RSU1: variants seen among roughly 807,000 people sequenced by gnomAD.
RSU1 encodes Ras suppressor protein 1.
RSU1 carries 26 observed loss-of-function variants against 31.1 expected under a neutral mutation model. That is an observed-to-expected ratio of 0.84 (90% CI 0.61 to 1.16). RSU1 has a LOEUF of 1.16. Among genes scored for constraint, RSU1 ranks in the 50% most tolerant of loss-of-function variants. RSU1 has a pLI of 0.00. For synonymous variants in RSU1, 164 were observed against 136.3 expected (o/e 1.20, Z -1.41); for missense variants, 320 against 339.1 (o/e 0.94, Z 0.44).
At chr10:16,797,330 G>T (rs1329285759) in intron 2 of RSU1, among the ~76,000 whole-genome samples, 1 of 152,192 alleles carries the variant, frequency 6.6e-6, no homozygotes, top group African/African-American at 2.4e-5. Flanking sequence ...GATAAAAGTG[G>T]GCAGAAGGAC....
At chr10:16,712,414 T>C (rs1173593173) in intron 7 of RSU1, among the ~76,000 whole-genome samples, 1 of 152,136 alleles carries the variant, frequency 6.6e-6, no homozygotes, top group South Asian at 2.1e-4. Flanking sequence ...CTTTTACTCA[T>C]GTTATTTTCC....
rs1300757999 is a variant in RSU1, at chr10:16,803,869, T to C, written c.109+13104A>G. Reference sequence around the variant, plus strand: ...AGACCTAATGAAAAACACAAAGCTATAAAAATTTCTAGATATAACAAAGGA... The same window carrying C: ...AGACCTAATGAAAAACACAAAGCTACAAAAATTTCTAGATATAACAAAGGA... On this transcript the variant is annotated intron_variant, in intron 2 of 8. Transcript: ENST00000345264. 2.6e-5 allele frequency among the ~76,000 whole-genome samples: 4 copies of C among 152,270 alleles called. No homozygotes were observed. In the East Asian group the frequency reaches 7.7e-4, roughly 29 times the overall value.
At chr10:16,809,692 T>C (rs1368238019) in intron 2 of RSU1, among the ~76,000 whole-genome samples, 2 of 152,206 alleles carry the variant, frequency 1.3e-5, no homozygotes, top group African/African-American at 4.8e-5. Flanking sequence ...TCTCTAACAA[T>C]GGATCTCCTG....
intron 7 of RSU1, among the ~76,000 whole-genome samples, chr10:16,726,038 C>G (rs1412027653): frequency 1.3e-5 from 2 of 151,056 alleles, no homozygotes; most frequent in Non-Finnish European, 2.9e-5. Context: ...TGTGTATATA[C>G]ATATAAAACT....
intron 4 of RSU1, among the ~76,000 whole-genome samples, chr10:16,761,661 C>T (rs1837214006): frequency 6.6e-6 from 1 of 152,094 alleles, no homozygotes; most frequent in Admixed American, 6.6e-5. Context: ...TAAAGACCAT[C>T]CTGGCTAACA....
intron 8 of RSU1, among the ~76,000 whole-genome samples, chr10:16,603,884 A>C (rs950970431): frequency 1.3e-5 from 2 of 152,228 alleles, no homozygotes; most frequent in African/African-American, 4.8e-5. Flanking sequence ...TAAGGAAGTA[A>C]GTTAGGAATT....
chr10:16,660,516 C>T (rs372546794), intron 8 of RSU1, among the ~76,000 whole-genome samples: 12 of 152,060 alleles, frequency 7.9e-5, no homozygotes, highest in Admixed American at 7.9e-4. Flanking sequence ...GATCTTCAAT[C>T]AACATATGTT....
At chr10:16,795,257 G>C (rs1348587050) in intron 2 of RSU1, among the ~76,000 whole-genome samples, 1 of 151,142 alleles carries the variant, frequency 6.6e-6, no homozygotes, top group East Asian at 2.0e-4. Flanking sequence ...GGGAGGCTGA[G>C]GCAGGAGAAT....
intron 7 of RSU1, among the ~76,000 whole-genome samples, chr10:16,748,731 G>A (rs1836911479): frequency 6.6e-6 from 1 of 151,848 alleles, no homozygotes; most frequent in Non-Finnish European, 1.5e-5. Flanking sequence ...GCCCACCCAG[G>A]ACCTTTGCAC....
At chr10:16,685,583 G>A (rs1176460977) in intron 8 of RSU1, among the ~76,000 whole-genome samples, 1 of 152,134 alleles carries the variant, frequency 6.6e-6, no homozygotes, top group Admixed American at 6.5e-5. Context: ...AGCTGTCATG[G>A]CGCTGATGGG....
At chr10:16,652,349 A>G (rs1238776464) in intron 8 of RSU1, among the ~76,000 whole-genome samples, 2 of 137,446 alleles carry the variant, frequency 1.5e-5, no homozygotes, top group Admixed American at 1.7e-4. Flanking sequence ...CAGAAGCTAC[A>G]GGAGGGGCGC....
chr10:16,757,330 TCTC>T (rs941540884), intron 4 of RSU1, among the ~76,000 whole-genome samples: 4 of 152,066 alleles, frequency 2.6e-5, no homozygotes, highest in African/African-American at 9.7e-5. Flanking sequence ...CATCGATCCT[TCTC>T]CTAACACATT....
chr10:16,720,109 A>C (rs1836223914), intron 7 of RSU1, among the ~76,000 whole-genome samples: 1 of 152,176 alleles, frequency 6.6e-6, no homozygotes, highest in African/African-American at 2.4e-5. Flanking sequence ...CTGAAGGGAC[A>C]TTTGCTTTCC....
chr10:16,665,034 C>T (rs541193951), intron 8 of RSU1, among the ~76,000 whole-genome samples: 2 of 152,262 alleles, frequency 1.3e-5, no homozygotes, highest in South Asian at 4.1e-4. Context: ...ACCTCAGCCT[C>T]CCAGGTTTAA....
At chr10:16,775,709 G>A (rs971936478) in intron 3 of RSU1, among the ~76,000 whole-genome samples, 3 of 152,158 alleles carry the variant, frequency 2.0e-5, no homozygotes, top group Admixed American at 6.5e-5. Flanking sequence ...CCAACTGCCA[G>A]TGCTTTTTTA....
intron 7 of RSU1, chr10:16,727,187 G>A (rs1233779875): frequency 2.2e-6 from 1 of 456,386 alleles, no homozygotes; most frequent in South Asian, 1.5e-5. Context: ...TGACTTCAGA[G>A]TGGACTCACC....
At chr10:16,705,122 C>T (rs755746939) in intron 7 of RSU1, among the ~76,000 whole-genome samples, 1 of 152,146 alleles carries the variant, frequency 6.6e-6, no homozygotes, top group African/African-American at 2.4e-5. Flanking sequence ...AATAACACAG[C>T]ATTTTTTCTT....
At chr10:16,664,176 G>T (rs920291169) in intron 8 of RSU1, among the ~76,000 whole-genome samples, 1 of 152,206 alleles carries the variant, frequency 6.6e-6, no homozygotes, top group East Asian at 1.9e-4. Context: ...AGGAAGAAAG[G>T]CTTTATGTTA....
At chr10:16,636,508 G>A (rs993102340) in intron 8 of RSU1, among the ~76,000 whole-genome samples, 1 of 152,222 alleles carries the variant, frequency 6.6e-6, no homozygotes, top group African/African-American at 2.4e-5. Flanking sequence ...TTGCCTGGAT[G>A]ATTGCAGTTG....
Sources: allele counts gnomAD v4.1 joint callset (sites outside exome capture counted in the v4.1 genomes callset), GRCh38; gene constraint gnomAD v4.1.1; transcripts MANE v1.5; gene names NCBI Gene and HGNC (gene_info 2026-07-23, HGNC 2026-07-21).